Variants in ARK2N observed in about 807,000 individuals in gnomAD.
ARK2N encodes the protein arkadia (RNF111) N-terminal like PKA signaling regulator 2N.
chr18:46,228,851 G>C, the ARK2N span: 1 of 398,542 alleles, frequency 2.5e-6, no homozygotes, highest in East Asian at 3.6e-5. Context: ...GATTCTGTGG[G>C]ATTCGCACCT....
chr18:46,191,054 A>C, the ARK2N span, among the ~76,000 whole-genome samples: 87 of 152,074 alleles, frequency 5.7e-4, no homozygotes, highest in Non-Finnish European at 1.1e-3. Context: ...ACTGTTTTTT[A>C]TCTCTTTGGG....
the ARK2N span, chr18:46,264,603 C>T: frequency 6.5e-6 from 1 of 152,816 alleles, no homozygotes; most frequent in Non-Finnish European, 1.5e-5. Context: ...GCCTGCTCTG[C>T]ATAAGGCACT....
chr18:46,215,944 G>T, the ARK2N span: 1 of 1,614,150 alleles, frequency 6.2e-7, no homozygotes, highest in Non-Finnish European at 8.5e-7. Context: ...CCCACCAAAA[G>T]CATCTGAACA....
the ARK2N span, among the ~76,000 whole-genome samples, chr18:46,202,807 A>T: frequency 5.5e-5 from 8 of 146,688 alleles, no homozygotes; most frequent in South Asian, 4.2e-4. Context: ...AAAATTAAAA[A>T]AAAAAAAAAG....
chr18:46,250,851 G>GACA, the ARK2N span, among the ~76,000 whole-genome samples: 2 of 151,974 alleles, frequency 1.3e-5, no homozygotes, highest in African/African-American at 4.8e-5. Context: ...TACCTTAAAG[G>GACA]ACAACAGAAT....
the ARK2N span, among the ~76,000 whole-genome samples, chr18:46,209,412 A>T: frequency 6.6e-6 from 1 of 151,844 alleles, no homozygotes; most frequent in Admixed American, 6.6e-5. Context: ...AGATTTTCAC[A>T]AGTAGCCTCA....
At chr18:46,200,624 T>C in the ARK2N span, among the ~76,000 whole-genome samples, 1 of 152,124 alleles carries the variant, frequency 6.6e-6, no homozygotes, top group South Asian at 2.1e-4. Context: ...GTTTTTATGG[T>C]TGGGCTTTGG....
chr18:46,212,990 ATTTTTTTTTT>A, the ARK2N span, among the ~76,000 whole-genome samples: 23 of 80,524 alleles, frequency 2.9e-4, no homozygotes, highest in East Asian at 6.1e-4. Flanking sequence ...TTTAAGAAGA[ATTTTTTTTTT>A]TTTTTTTTTT....
At chr18:46,196,546 C>T in the ARK2N span, among the ~76,000 whole-genome samples, 6 of 152,228 alleles carry the variant, frequency 3.9e-5, no homozygotes, top group Admixed American at 3.3e-4. Context: ...CAGGTGTGAA[C>T]CACCTTGCCT....
the ARK2N span, among the ~76,000 whole-genome samples, chr18:46,260,842 T>C: frequency 1.3e-5 from 2 of 152,334 alleles, no homozygotes; most frequent in South Asian, 4.1e-4. Flanking sequence ...TCCAGTTCTA[T>C]GCTTAACTTG....
chr18:46,252,868 GTTCTGTGAAGCTCATGTT>G, the ARK2N span, among the ~76,000 whole-genome samples: 1 of 152,154 alleles, frequency 6.6e-6, no homozygotes. Context: ...ATTATTGAGA[GTTCTGTGAAGCTCATGTT>G]TTCTGTGATG....
the ARK2N span, among the ~76,000 whole-genome samples, chr18:46,256,418 T>TAAA: frequency 9.3e-3 from 1,410 of 151,456 alleles, 22 homozygotes; most frequent in African/African-American, 0.032. Flanking sequence ...CTTCTTTTTT[T>TAAA]AAAAAAAAAT....
the ARK2N span, among the ~76,000 whole-genome samples, chr18:46,257,710 A>G: frequency 6.6e-6 from 1 of 151,158 alleles, no homozygotes; most frequent in East Asian, 1.9e-4. Flanking sequence ...CCTTCTACCG[A>G]CCTCATTGGT....
chr18:46,265,309 G>A, the ARK2N span: 1 of 152,620 alleles, frequency 6.6e-6, no homozygotes, highest in African/African-American at 2.4e-5. Flanking sequence ...TGCATGACCT[G>A]TTCTTATGTT....
chr18:46,175,231 G>A, the ARK2N span, among the ~76,000 whole-genome samples: 2 of 151,776 alleles, frequency 1.3e-5, no homozygotes, highest in East Asian at 3.9e-4. Context: ...TGTTTGGATG[G>A]GTTTTTCGTT....
chr18:46,222,951 T>A, the ARK2N span, among the ~76,000 whole-genome samples: 2 of 152,212 alleles, frequency 1.3e-5, no homozygotes, highest in South Asian at 2.1e-4. Flanking sequence ...GATAAATGCG[T>A]AAGTGGTTCC....
At chr18:46,242,256 A>G in the ARK2N span, among the ~76,000 whole-genome samples, 1 of 152,202 alleles carries the variant, frequency 6.6e-6, no homozygotes, top group Non-Finnish European at 1.5e-5. Context: ...GTAAAAAATG[A>G]ATGATTACCA....
At chr18:46,209,740 C>T in the ARK2N span, among the ~76,000 whole-genome samples, 9 of 152,032 alleles carry the variant, frequency 5.9e-5, no homozygotes, top group African/African-American at 1.9e-4. Context: ...GGACTACAGG[C>T]GTCCGCCACC....
the ARK2N span, among the ~76,000 whole-genome samples, chr18:46,189,478 A>G: frequency 6.6e-6 from 1 of 152,138 alleles, no homozygotes; most frequent in African/African-American, 2.4e-5. Context: ...ATTTAAAGAG[A>G]TGGGGTCTCA....
Sources: gnomAD v4.1 joint callset for allele counts (sites outside exome capture counted in the v4.1 genomes callset) on GRCh38, gnomAD v4.1.1 for gene constraint, MANE v1.5 for transcripts, NCBI Gene and HGNC (gene_info 2026-07-23, HGNC 2026-07-21) for gene names.